The following STPG2 variants were observed in gnomAD, a reference collection of about 807,000 sequenced individuals.
STPG2 encodes sperm tail PG-rich repeat containing 2.
STPG2 carries 56 observed loss-of-function variants against 54.2 expected under a neutral mutation model. That is an observed-to-expected ratio of 1.03 (90% CI 0.83 to 1.29). STPG2 has a LOEUF of 1.29. Among genes scored for constraint, STPG2 ranks in the 50% most tolerant of loss-of-function variants. STPG2 has a pLI of 0.00. For synonymous variants in STPG2, 200 were observed against 181.8 expected (o/e 1.10, Z -0.81); for missense variants, 596 against 544.9 (o/e 1.09, Z -0.93).
intron 10 of STPG2, among the ~76,000 whole-genome samples, chr4:97,580,233 C>T (rs1003746184): frequency 6.6e-6 from 1 of 151,812 alleles, no homozygotes; most frequent in Non-Finnish European, 1.5e-5. Context: ...CATAAGACAG[C>T]GTTAACTCAC....
intron 9 of STPG2, among the ~76,000 whole-genome samples, chr4:97,757,159 T>C (rs1725755849): frequency 6.6e-6 from 1 of 152,230 alleles, no homozygotes; most frequent in Admixed American, 6.5e-5. Flanking sequence ...TTACACGTAT[T>C]GCCCATGAAG....
At position 97,482,065 on chromosome 4, in the gene STPG2, G is replaced by A. The variant is rs566432772; in HGVS notation, c.462+230634C>T. On this transcript the variant is annotated intron_variant, in intron 4 of 4. Coordinates refer to the STPG2 transcript ENST00000522676. ...TATCATAAGTGTATTTAAATTTGTT[G>A]GTCTTTTTGGTATCTTTTAAGATAA... is the stretch of plus-strand genomic sequence containing the variant. 3.5e-4 allele frequency among the ~76,000 whole-genome samples: 53 copies of A among 151,122 alleles called. No homozygotes were observed. The South Asian group carries it at 9.8e-3, about 28-fold the overall frequency.
chr4:98,088,839 C>T (rs1560673882), intron 5 of STPG2, among the ~76,000 whole-genome samples: 1 of 152,140 alleles, frequency 6.6e-6, no homozygotes, highest in Non-Finnish European at 1.5e-5. Flanking sequence ...ATCCATTTTT[C>T]AATCCACTGC....
chr4:97,539,708 A>G (rs1731643008), intron 4 of STPG2, among the ~76,000 whole-genome samples: 2 of 152,190 alleles, frequency 1.3e-5, no homozygotes, highest in South Asian at 4.1e-4. Context: ...TGGACCTAAC[A>G]GACATCTACA....
intron 9 of STPG2, among the ~76,000 whole-genome samples, chr4:97,811,483 A>C (rs1727739431): frequency 6.6e-6 from 1 of 152,086 alleles, no homozygotes; most frequent in Non-Finnish European, 1.5e-5. Flanking sequence ...ATTTTATTTA[A>C]ACATAGTTCC....
At chr4:98,021,390 G>A (rs1014500230) in intron 5 of STPG2, among the ~76,000 whole-genome samples, 3 of 149,348 alleles carry the variant, frequency 2.0e-5, no homozygotes, top group Admixed American at 1.3e-4. Flanking sequence ...GAGACAGTTC[G>A]TTATAATTTC....
intron 7 of STPG2, among the ~76,000 whole-genome samples, chr4:97,945,633 C>T (rs1733184480): frequency 6.6e-6 from 1 of 152,046 alleles, no homozygotes; most frequent in Non-Finnish European, 1.5e-5. Flanking sequence ...AAGAAATCTC[C>T]ACACTGTTTT....
intron 9 of STPG2, among the ~76,000 whole-genome samples, chr4:97,774,325 A>C (rs923363086): frequency 6.6e-6 from 1 of 152,104 alleles, no homozygotes; most frequent in African/African-American, 2.4e-5. Flanking sequence ...CCTTCTTACC[A>C]TCTCTGGAAA....
intron 10 of STPG2, among the ~76,000 whole-genome samples, chr4:97,583,068 T>C (rs557507315): frequency 9.2e-5 from 14 of 152,138 alleles, no homozygotes; most frequent in African/African-American, 3.4e-4. Flanking sequence ...TTGTTAAGTC[T>C]CATCATTTGT....
chr4:97,962,976 T>C (rs935767388), intron 7 of STPG2, among the ~76,000 whole-genome samples: 1 of 151,990 alleles, frequency 6.6e-6, no homozygotes, highest in Non-Finnish European at 1.5e-5. Context: ...CTGACCAACA[T>C]GGTGAAACCC....
intron 8 of STPG2, among the ~76,000 whole-genome samples, chr4:97,907,057 G>C (rs1486052571): frequency 5.3e-5 from 8 of 151,678 alleles, no homozygotes; most frequent in Admixed American, 2.6e-4. Context: ...TATTCAATTA[G>C]GAAAAGAGGA....
chr4:97,714,747 A>G (rs1423706729), intron 9 of STPG2, among the ~76,000 whole-genome samples: 2 of 152,272 alleles, frequency 1.3e-5, no homozygotes, highest in African/African-American at 2.4e-5. Context: ...AATTAAAAAA[A>G]CACAAACTAT....
intron 4 of STPG2, among the ~76,000 whole-genome samples, chr4:97,549,674 A>C (rs1731922214): frequency 6.6e-6 from 1 of 152,204 alleles, no homozygotes; most frequent in Non-Finnish European, 1.5e-5. Context: ...GTTCCTTATA[A>C]AGAGAAGAAG....
chr4:98,091,767 T>TGA (rs552281237), intron 5 of STPG2, among the ~76,000 whole-genome samples: 159 of 151,970 alleles, frequency 1.0e-3, no homozygotes, highest in Non-Finnish European at 1.7e-3. Context: ...GCATTGTGTG[T>TGA]ATATACATAT....
At chr4:97,784,259 C>A (rs1438458930) in intron 9 of STPG2, among the ~76,000 whole-genome samples, 1 of 152,024 alleles carries the variant, frequency 6.6e-6, no homozygotes, top group East Asian at 1.9e-4. Flanking sequence ...TAAATTAGGT[C>A]TAAAATAATA....
At chr4:97,909,042 T>G (rs1401366458) in intron 8 of STPG2, among the ~76,000 whole-genome samples, 1 of 147,292 alleles carries the variant, frequency 6.8e-6, no homozygotes, top group South Asian at 2.1e-4. Context: ...ATAATAATAA[T>G]AAGTTGTGGC....
At position 97,907,164 on chromosome 4, in the gene STPG2, C is replaced by T. The variant is rs1731464417; in HGVS notation, c.1044+36733G>A. On this transcript the variant is annotated intron_variant, in intron 8 of 10. Coordinates refer to ENST00000295268, the MANE Select transcript of STPG2 (RefSeq NM_174952.3). ...TCCTTAAGCTGATAAGCAACTTCAGCAAAGTCTCAGGATACAAAATCAATG... is the reference window on the plus strand; with the variant it reads ...TCCTTAAGCTGATAAGCAACTTCAGTAAAGTCTCAGGATACAAAATCAATG... Among the ~76,000 whole-genome samples, 3 of 151,972 alleles carry T rather than the reference C, an allele frequency of 2.0e-5. No individual in the cohort carries two copies. The South Asian group carries it at 6.2e-4, about 32-fold the overall frequency.
intron 9 of STPG2, among the ~76,000 whole-genome samples, chr4:97,830,026 C>A (rs563935015): frequency 6.6e-6 from 1 of 152,000 alleles, no homozygotes; most frequent in African/African-American, 2.4e-5. Context: ...ACAGAGAACA[C>A]CACAAAGATA....
intron 4 of STPG2, among the ~76,000 whole-genome samples, chr4:97,549,043 T>C (rs751882628): frequency 2.0e-5 from 3 of 152,266 alleles, no homozygotes; most frequent in Admixed American, 1.3e-4. Flanking sequence ...TAACATATCA[T>C]TGTACTCAGC....
Sources: gnomAD v4.1 joint callset for allele counts (sites outside exome capture counted in the v4.1 genomes callset) on GRCh38, gnomAD v4.1.1 for gene constraint, MANE v1.5 for transcripts, NCBI Gene and HGNC (gene_info 2026-07-23, HGNC 2026-07-21) for gene names.